The following DNAAF9 variants were observed in gnomAD, a reference collection of about 807,000 sequenced individuals.
The protein encoded by DNAAF9 is shulin.
Under a neutral mutation model 167.0 loss-of-function variants are expected in DNAAF9, and 90 were observed. The observed-to-expected ratio is 0.54, with a 90% CI of 0.45 to 0.64. The LOEUF is 0.64. DNAAF9 is among the 30% of genes least tolerant of loss of function. DNAAF9 has a pLI of 0.00. For synonymous variants in DNAAF9, 491 were observed against 508.8 expected, an observed-to-expected ratio of 0.96 and a Z score of 0.47; for missense variants, 1,315 against 1,442.2, an observed-to-expected ratio of 0.91 and a Z score of 1.43.
chr20:3,295,742 G>C (rs906712813), intron 23 of DNAAF9: 1 of 648,710 alleles, frequency 1.5e-6, no homozygotes, highest in East Asian at 3.5e-5. Context: ...TGATGTAGTT[G>C]TCCACTTTAT....
intron 6 of DNAAF9, among the ~76,000 whole-genome samples, chr20:3,366,619 C>A (rs1360225343): frequency 1.3e-5 from 2 of 152,134 alleles, no homozygotes; most frequent in African/African-American, 4.8e-5. Context: ...GCACTGACTT[C>A]TCTCTATTTA....
At chr20:3,330,708 T>C (rs752505877) in intron 11 of DNAAF9, 26 bp from the exon 12 acceptor site, 17 of 1,519,144 alleles carry the variant, frequency 1.1e-5, no homozygotes, top group Non-Finnish European at 1.5e-5. Flanking sequence ...ACTAAGAATG[T>C]GACAAGAGCA....
chr20:3,308,292 A>AAT (rs2069338959), intron 20 of DNAAF9, among the ~76,000 whole-genome samples: 1 of 151,626 alleles, frequency 6.6e-6, no homozygotes, highest in Non-Finnish European at 1.5e-5. Context: ...TGTTACAAGT[A>AAT]ATATGCAGCT....
At chr20:3,328,188 T>TTTTTTTTGTTTGTTTTG (rs2069749643) in intron 12 of DNAAF9, among the ~76,000 whole-genome samples, 1 of 138,776 alleles carries the variant, frequency 7.2e-6, no homozygotes. Context: ...GCTCTGTTTT[T>TTTTTTTTGTTTGTTTTG]TTTTTTTTTT....
At chr20:3,275,328 G>T (rs141967504) in intron 29 of DNAAF9, among the ~76,000 whole-genome samples, 1 of 152,306 alleles carries the variant, frequency 6.6e-6, no homozygotes, top group Non-Finnish European at 1.5e-5. Flanking sequence ...ACTCTGTTTG[G>T]TATCTTCTTG....
chr20:3,319,798 T>C (rs1326997795), intron 16 of DNAAF9, among the ~76,000 whole-genome samples: 2 of 152,336 alleles, frequency 1.3e-5, no homozygotes, highest in South Asian at 2.1e-4. Context: ...GATAATAGGA[T>C]ATACAAAAGA....
At chr20:3,309,118 G>A (rs183032018) in intron 20 of DNAAF9, among the ~76,000 whole-genome samples, 2 of 152,008 alleles carry the variant, frequency 1.3e-5, no homozygotes, top group South Asian at 2.1e-4. Flanking sequence ...TATCTTGGCT[G>A]TTCTTAGCAC....
chr20:3,298,395 G>T (rs1023127573), intron 21 of DNAAF9, among the ~76,000 whole-genome samples: 2 of 152,130 alleles, frequency 1.3e-5, no homozygotes, highest in Non-Finnish European at 2.9e-5. Flanking sequence ...AGGCTAGAGT[G>T]TGATGGCTCA....
intron 1 of DNAAF9, among the ~76,000 whole-genome samples, chr20:3,399,845 ATCT>A (rs1423752574): frequency 6.6e-6 from 1 of 152,310 alleles, no homozygotes; most frequent in East Asian, 1.9e-4. Context: ...TCCAACAGAC[ATCT>A]TCTTCAAGTT....
At chr20:3,308,664 G>GTCCCTCCAGCCAGGTGCGGTGGC (rs1442157860) in intron 20 of DNAAF9, among the ~76,000 whole-genome samples, 74 of 151,602 alleles carry the variant, frequency 4.9e-4, no homozygotes, top group African/African-American at 1.7e-3. Context: ...TTTTTAAAGT[G>GTCCCTCCAGCCAGGTGCGGTGGC]TCCCTCCAGC....
intron 1 of DNAAF9, among the ~76,000 whole-genome samples, chr20:3,394,138 G>A (rs893241500): frequency 2.0e-5 from 3 of 152,110 alleles, no homozygotes; most frequent in African/African-American, 4.8e-5. Context: ...AGACGTTCGA[G>A]ACCAGCCTGG....
In DNAAF9 at chr20:3,403,213, G is replaced by C. The variant is rs142401102; in HGVS notation, c.83+4262C>G. 4.7e-3 allele frequency among the ~76,000 whole-genome samples: 709 copies of C among 152,152 alleles called. 2 individuals carry two copies. Among genetic ancestry groups the C allele is most frequent in the Non-Finnish European group, 7.9e-3 (540 of 68,006 alleles). ...ATCCAAGCAGCTCAACACAGCTGCA[G>C]GAAAAGTGTACAACTATGCTAAGTA... On this transcript the variant is annotated intron_variant, in intron 1 of 36. Coordinates refer to ENST00000252032, the MANE Select transcript of DNAAF9 (RefSeq NM_001009984.3).
intron 27 of DNAAF9, among the ~76,000 whole-genome samples, chr20:3,284,173 C>CTTTTTTTT (rs200633758): frequency 8.5e-6 from 1 of 118,232 alleles, no homozygotes; most frequent in African/African-American, 3.0e-5. Context: ...TTACTAGAGT[C>CTTTTTTTT]TTTTTTTTTT....
At chr20:3,353,633 A>C (rs1468843440) in intron 7 of DNAAF9, among the ~76,000 whole-genome samples, 164 of 68,794 alleles carry the variant, frequency 2.4e-3, no homozygotes, top group Middle Eastern at 0.012. Context: ...GTCCCCCCGC[A>C]CCACCCCCCC....
chr20:3,357,256 A>C (rs993104235), intron 7 of DNAAF9, among the ~76,000 whole-genome samples: 4 of 151,890 alleles, frequency 2.6e-5, no homozygotes, highest in Admixed American at 2.6e-4. Flanking sequence ...CGGACCACTT[A>C]AGGTCAGGAA....
Position 3,290,199 on chromosome 20 carries a change from T to G in DNAAF9, c.2257A>C (p.Thr753Pro). The change falls in exon 26 of 37, where the codon ACC becomes CCC. Residue 753 changes from threonine (T) to proline (P), a missense_variant. Transcript: ENST00000252032. The stretch of plus-strand genomic sequence containing the variant: ...CTAGCGTGACAGCCTGGGAGGCCGG[T>G]TACAATGCTGATAATTACCTACATG... The part of the protein sequence containing the change: ...ESDKVIISIV[T>P]GLPGCHASEL... 6.2e-7 allele frequency: 1 copy of G among 1,610,380 alleles called. No homozygotes were observed. Among genetic ancestry groups the G allele is most frequent in the South Asian group, 1.1e-5 (1 of 91,008 alleles).
intron 7 of DNAAF9, among the ~76,000 whole-genome samples, chr20:3,358,817 C>T (rs934027916): frequency 6.6e-6 from 1 of 152,158 alleles, no homozygotes; most frequent in African/African-American, 2.4e-5. Context: ...ATGGCTAATT[C>T]TAAGTCTGTG....
At chr20:3,365,203 A>C (rs923015358) in intron 6 of DNAAF9, among the ~76,000 whole-genome samples, 9 of 152,126 alleles carry the variant, frequency 5.9e-5, no homozygotes, top group African/African-American at 1.9e-4. Context: ...TTGAACTCCT[A>C]GTCTCAAGTG....
Position 3,324,892 on chromosome 20 carries a change from C to T in DNAAF9, c.1265G>A (p.Arg422His), listed in dbSNP as rs745702169. Reference protein sequence around the residue: ...FELIPFKAALRSKMTFHIHAV... With the variant: ...FELIPFKAALHSKMTFHIHAV... Reference sequence around the variant, plus strand: ...ATAAAAAATATCAGCCATTGCTTACCGCAGGGCTGCCTTAAACGGAATCAA... The same window carrying T: ...ATAAAAAATATCAGCCATTGCTTACTGCAGGGCTGCCTTAAACGGAATCAA... Residue 422 changes from arginine (R) to histidine (H), a missense_variant and splice_region_variant, in exon 14 of 37, where the codon CGC becomes CAC. Coordinates refer to ENST00000252032, the MANE Select transcript of DNAAF9 (RefSeq NM_001009984.3). 7.0e-6 allele frequency: 11 copies of T among 1,562,596 alleles called. No individual in the cohort carries two copies. Among genetic ancestry groups the T allele is most frequent in the East Asian group, 2.2e-5 (1 of 44,624 alleles).
Sources: allele counts gnomAD v4.1 joint callset (sites outside exome capture counted in the v4.1 genomes callset), GRCh38; gene constraint gnomAD v4.1.1; transcripts MANE v1.5; gene names NCBI Gene and HGNC (gene_info 2026-07-23, HGNC 2026-07-21).